Variants in ASTN1 observed in about 807,000 individuals in gnomAD.
ASTN1 encodes the protein astrotactin-1.
In ASTN1, 41 loss-of-function variants were observed where a neutral mutation model predicts 140.7. The ratio of observed to expected loss-of-function variants is 0.29; its 90% CI spans 0.23 to 0.38. ASTN1 has a LOEUF of 0.38. Ranked by LOEUF, ASTN1 falls within the 10% of genes least tolerant of loss-of-function variation. The pLI is 1.00. For synonymous variants in ASTN1, 640 were observed against 652.2 expected (o/e 0.98, Z 0.29); for missense variants, 1,479 against 1,678.8 (o/e 0.88, Z 2.08).
intron 1 of ASTN1, among the ~76,000 whole-genome samples, chr1:177,094,344 G>A (rs1374863938): frequency 1.3e-5 from 2 of 152,154 alleles, no homozygotes; most frequent in East Asian, 3.8e-4. Flanking sequence ...TCATGAATAT[G>A]CACAGGGCAG....
rs772723221 is a variant in ASTN1 at position 176,921,593 on chromosome 1, A to G, written c.2671+12559T>C. Among the ~76,000 whole-genome samples the G allele has an allele frequency of 2.0e-4, 31 of 152,352 alleles. 1 individual carries two copies. The Middle Eastern group carries it at 0.021, about 101-fold the overall frequency. On this transcript the variant is annotated intron_variant, in intron 16 of 22. Transcript: ENST00000361833. Reference sequence around the variant, plus strand: ...TAACTGGTAGCTGGAAACTTACAATAACAATCACTAATTGGAGGTACACAA... The same window carrying G: ...TAACTGGTAGCTGGAAACTTACAATGACAATCACTAATTGGAGGTACACAA...
At chr1:176,949,145 C>A (rs752322262) in intron 12 of ASTN1, 40 bp downstream of exon 12, 3 of 1,610,222 alleles carry the variant, frequency 1.9e-6, no homozygotes, top group Non-Finnish European at 2.5e-6. Context: ...CGTCCTGGGA[C>A]AGATGGACGC....
At chr1:177,107,596 C>G (rs1680612286) in intron 1 of ASTN1, among the ~76,000 whole-genome samples, 1 of 152,108 alleles carries the variant, frequency 6.6e-6, no homozygotes, top group Admixed American at 6.5e-5. Flanking sequence ...AGTGAGATTC[C>G]CTGTGGGCTG....
chr1:176,976,487 T>C (rs227992), intron 8 of ASTN1: 48,999 of 152,088 alleles, frequency 0.32, 9,823 homozygotes, highest in African/African-American at 0.58. Context: ...CAGTCTCCCA[T>C]ACAAATCACC....
At chr1:176,908,989 AG>A (rs1426302363) in intron 16 of ASTN1, among the ~76,000 whole-genome samples, 1 of 152,212 alleles carries the variant, frequency 6.6e-6, no homozygotes, top group East Asian at 1.9e-4. Flanking sequence ...TGCATAATAA[AG>A]GGGCCAGAAG....
intron 1 of ASTN1, among the ~76,000 whole-genome samples, chr1:177,099,055 C>T (rs1007831477): frequency 6.6e-6 from 1 of 152,120 alleles, no homozygotes; most frequent in Non-Finnish European, 1.5e-5. Flanking sequence ...CCATTTTTTT[C>T]TATGAATAAT....
intron 9 of ASTN1, 46 bp downstream of exon 9, chr1:176,965,117 C>A: frequency 6.4e-7 from 1 of 1,566,740 alleles, no homozygotes; most frequent in Non-Finnish European, 8.8e-7. Context: ...AAGCGGAACA[C>A]AGGGTTTGCA....
chr1:177,107,500 G>A (rs924578398), intron 1 of ASTN1, among the ~76,000 whole-genome samples: 1 of 152,128 alleles, frequency 6.6e-6, no homozygotes, highest in African/African-American at 2.4e-5. Context: ...CTGTGCTGAG[G>A]GAGGATGACT....
intron 16 of ASTN1, among the ~76,000 whole-genome samples, chr1:176,915,304 C>T (rs548953456): frequency 6.6e-6 from 1 of 152,254 alleles, no homozygotes; most frequent in African/African-American, 2.4e-5. Context: ...TTCTCATTAA[C>T]TTGTTTTGCA....
chr1:176,949,136 G>A (rs761281885), intron 12 of ASTN1, 49 bp downstream of exon 12: 17 of 1,606,790 alleles, frequency 1.1e-5, no homozygotes, highest in South Asian at 6.6e-5. Context: ...AAAGTCCTGC[G>A]TCCTGGGACA....
intron 1 of ASTN1, among the ~76,000 whole-genome samples, chr1:177,121,271 C>T (rs1288021945): frequency 6.6e-6 from 1 of 152,024 alleles, no homozygotes; most frequent in African/African-American, 2.4e-5. Context: ...ATCTATGCCC[C>T]TAAAAAAGCT....
At chr1:177,110,901 T>C (rs1045773043) in intron 1 of ASTN1, among the ~76,000 whole-genome samples, 1 of 152,200 alleles carries the variant, frequency 6.6e-6, no homozygotes, top group Non-Finnish European at 1.5e-5. Context: ...TAAACCAGTA[T>C]CTTACCTTTA....
chr1:177,087,649 C>G (rs1000277750), intron 1 of ASTN1, among the ~76,000 whole-genome samples: 1 of 152,208 alleles, frequency 6.6e-6, no homozygotes, highest in South Asian at 2.1e-4. Context: ...TCCCCGTAGT[C>G]TGCTAGTCCG....
At chr1:177,042,659 T>C (rs1385758195) in intron 2 of ASTN1, among the ~76,000 whole-genome samples, 1 of 152,212 alleles carries the variant, frequency 6.6e-6, no homozygotes, top group Non-Finnish European at 1.5e-5. Context: ...GTCCTACCAA[T>C]AAGTATAAGT....
intron 1 of ASTN1, among the ~76,000 whole-genome samples, chr1:177,150,255 A>G (rs1682968707): frequency 6.6e-6 from 1 of 152,104 alleles, no homozygotes; most frequent in African/African-American, 2.4e-5. Flanking sequence ...GACCAAAGTC[A>G]ATAAAAAGTA....
At chr1:176,910,861 C>A (rs1242813896) in intron 16 of ASTN1, among the ~76,000 whole-genome samples, 1 of 152,182 alleles carries the variant, frequency 6.6e-6, no homozygotes, top group Middle Eastern at 3.2e-3. Context: ...CATAGAAATG[C>A]AACTCTATTG....
At chr1:176,982,585 C>G (rs950402191) in intron 8 of ASTN1, among the ~76,000 whole-genome samples, 1 of 152,050 alleles carries the variant, frequency 6.6e-6, no homozygotes, top group Admixed American at 6.6e-5. Flanking sequence ...ACAAGTTCTC[C>G]GGTGATGCCA....
Position 176,861,587 on chromosome 1 carries a change from C to G in ASTN1, c.*2697G>C. 1.0e-6 allele frequency: 1 copy of G among 985,560 alleles called. No individual in the cohort carries two copies. The highest frequency in any genetic ancestry group is 1.2e-6 in the Non-Finnish European group (1 of 829,926). The allele number at this position is 985,560 out of a possible 1,614,324, so 61.1% of individuals were successfully genotyped here. On this transcript the variant is annotated 3_prime_UTR_variant, in exon 23 of 23. Coordinates refer to ENST00000361833, the MANE Select transcript of ASTN1 (RefSeq NM_004319.3). ...AAAAATCCTCCAGTCAATTGTACAA[C>G]CATCCTAAGATTTTCCCCTGCCCTG...
chr1:177,089,971 C>T (rs1679665373), intron 1 of ASTN1, among the ~76,000 whole-genome samples: 2 of 151,896 alleles, frequency 1.3e-5, no homozygotes, highest in South Asian at 2.1e-4. Flanking sequence ...GTTAATCTGG[C>T]CTTACTCACA....
Sources: gnomAD v4.1 joint callset for allele counts (sites outside exome capture counted in the v4.1 genomes callset) on GRCh38, gnomAD v4.1.1 for gene constraint, MANE v1.5 for transcripts, NCBI Gene and HGNC (gene_info 2026-07-23, HGNC 2026-07-21) for gene names.